The following RNF213 variants were observed in gnomAD, a reference collection of about 807,000 sequenced individuals.
The protein encoded by RNF213 is ring finger protein 213, also known as E3 ubiquitin-protein ligase RNF213.
In RNF213, 341 loss-of-function variants were observed where a neutral mutation model predicts 514.4. The ratio of observed to expected loss-of-function variants is 0.66; its 90% CI spans 0.61 to 0.73. The LOEUF (loss-of-function observed/expected upper bound fraction) is 0.73, where lower values mean the gene tolerates loss of function less well. Ranked by LOEUF, RNF213 falls within the 30% of genes least tolerant of loss-of-function variation. The probability of loss-of-function intolerance (pLI) is 0.00; values close to 1 mark genes in which losing one functional copy is unlikely to be tolerated. For synonymous variants in RNF213, 2,655 were observed against 2,658.2 expected, an observed-to-expected ratio of 1.00 and a Z score of 0.04; for missense variants, 5,767 against 6,615.6, an observed-to-expected ratio of 0.87 and a Z score of 4.45.
chr17:80,272,469 G>T (rs942288231), intron 2 of RNF213, among the ~76,000 whole-genome samples: 3 of 152,326 alleles, frequency 2.0e-5, no homozygotes, highest in Non-Finnish European at 4.4e-5. Context: ...GGGACATCTT[G>T]ACTTCATAAC....
rs1461010375 is a variant in RNF213 at position 80,360,212 on chromosome 17, G to A, written c.11200+6G>A. The A allele has an allele frequency of 6.2e-7, 1 of 1,610,590 alleles. No individual in the cohort carries two copies. The highest frequency in any genetic ancestry group is 8.5e-7 in the Non-Finnish European group (1 of 1,178,388). On this transcript the variant is annotated splice_donor_region_variant and intron_variant, in intron 38 of 67. Coordinates refer to ENST00000582970, the MANE Select transcript of RNF213 (RefSeq NM_001256071.3). ...GTACATCACAGACGCAGAAGGTGAGGCTACCTCAAGACAGGTCAGATTCAG... is the reference window on the plus strand; with the variant it reads ...GTACATCACAGACGCAGAAGGTGAGACTACCTCAAGACAGGTCAGATTCAG...
rs755306581 is a variant in RNF213 at position 80,306,317 on chromosome 17, G to A, written c.2276G>A (p.Arg759Gln). 3 of 1,614,102 alleles carry A rather than the reference G, an allele frequency of 1.9e-6. No homozygotes were observed. The highest frequency in any genetic ancestry group is 2.5e-6 in the Non-Finnish European group (3 of 1,180,024). The change falls in exon 12 of 68, where the codon CGG (arginine) becomes CAG (glutamine). Residue 759 changes from arginine to glutamine, a missense_variant. This residue lies in a region of RNF213 where 592 missense variants were observed against 673.9 expected (regional missense o/e 0.88). Coordinates refer to ENST00000582970, the MANE Select transcript of RNF213 (RefSeq NM_001256071.3). ...HLLSIDEPLF[R>Q]SWFSLLPLSH... ...CTGAGCATAGACGAGCCTCTCTTCCGGTCCTGGTTTAGTCTGCTACCTCTG... is the reference window on the plus strand; with the variant it reads ...CTGAGCATAGACGAGCCTCTCTTCCAGTCCTGGTTTAGTCTGCTACCTCTG...
rs774937118 is a variant in RNF213, at chr17:80,363,798, C to A, written c.11750+8C>A. 1.9e-6 allele frequency: 3 copies of A among 1,612,048 alleles called. No homozygotes were observed. The highest frequency in any genetic ancestry group is 1.7e-5 in the Admixed American group (1 of 59,946). On this transcript the variant is annotated splice_region_variant and intron_variant, in intron 41 of 67. Coordinates refer to ENST00000582970, the MANE Select transcript of RNF213 (RefSeq NM_001256071.3). ...TGTCATCAGGGAAGTCAGGTGAGAC[C>A]CAGGAGCCCTCACCCACTGCTTCAT... is the stretch of plus-strand genomic sequence containing the variant.
chr17:80,361,991 T>A, intron 39 of RNF213, 103 bp downstream of exon 39: 1 of 1,371,504 alleles, frequency 7.3e-7, no homozygotes, highest in Non-Finnish European at 1.0e-6. Flanking sequence ...GCTGGTGCTG[T>A]GAAGTCTGGG....
intron 23 of RNF213, 90 bp downstream of exon 23, chr17:80,336,468 C>A (rs2077990492): frequency 1.8e-6 from 2 of 1,142,482 alleles, no homozygotes; most frequent in Non-Finnish European, 2.5e-6. Context: ...TGGTGGCACA[C>A]CTGTGTGGTA....
At chr17:80,380,704 TG>T in intron 55 of RNF213, 126 bp from the exon 56 acceptor site, 1 of 1,120,802 alleles carries the variant, frequency 8.9e-7, no homozygotes. Context: ...CCAGGCTTTG[TG>T]GAACAGCAAG....
chr17:80,309,199 A>T (rs1363234928), intron 14 of RNF213, 28 bp downstream of exon 14: 1 of 1,613,960 alleles, frequency 6.2e-7, no homozygotes, highest in Admixed American at 1.7e-5. Context: ...ACAAGGTATC[A>T]CACCCGGGAT....
rs34714843 is a variant in RNF213, at chr17:80,371,156, C to T, written c.12426-718C>T. Among the ~76,000 whole-genome samples, 537 of 152,260 alleles carry T rather than the reference C, an allele frequency of 3.5e-3. 3 individuals carry two copies. Among genetic ancestry groups the T allele is most frequent in the Middle Eastern group, 6.8e-3 (2 of 294 alleles). ...GAAAAAAATCTATTTAAAGTATGGG[C>T]AGACCTTTTTGATTTTAACATAATT... On this transcript the variant is annotated intron_variant, in intron 46 of 67. Coordinates refer to ENST00000582970, the MANE Select transcript of RNF213 (RefSeq NM_001256071.3).
In RNF213 at chr17:80,345,580, G is replaced by T. The variant is rs4890012; in HGVS notation, c.7245G>T (p.Pro2415=). 90 of 1,613,434 alleles carry T rather than the reference G, an allele frequency of 5.6e-5. No individual in the cohort carries two copies. The highest frequency in any genetic ancestry group is 8.0e-5 in the African/African-American group (6 of 74,942). The part of the protein sequence containing the change: ...AIEMRFRCGI[P]VIIMGETGCG... Reference sequence around the variant, plus strand: ...AGATGCGGTTCCGGTGTGGGATCCCGGTTATCATCATGGGAGAAACTGGCT... The same window carrying T: ...AGATGCGGTTCCGGTGTGGGATCCCTGTTATCATCATGGGAGAAACTGGCT... Residue 2415 remains proline, a synonymous_variant, in exon 29 of 68, where the codon CCG becomes CCT. Transcript: ENST00000582970. This position sits in a 1 kb window ranked among gnomAD's most constrained non-coding sequence, Gnocchi z 6.0.
At chr17:80,305,645 T>C (rs1350713307) in intron 11 of RNF213, among the ~76,000 whole-genome samples, 1 of 150,456 alleles carries the variant, frequency 6.6e-6, no homozygotes, top group Non-Finnish European at 1.5e-5. Context: ...AGAGTCTCAC[T>C]CTGTTGCCCA....
chr17:80,368,112 G>A lies in RNF213; in HGVS notation c.12124G>A (p.Glu4042Lys), dbSNP rs1241745586. 12 of 1,614,242 alleles carry A rather than the reference G, an allele frequency of 7.4e-6. No individual in the cohort carries two copies. The highest frequency in any genetic ancestry group is 1.0e-5 in the Non-Finnish European group (12 of 1,180,042). The change falls in exon 44 of 68, where the codon GAA (glutamate) becomes AAA (lysine). Residue 4042 changes from glutamate (E) to lysine (K), a missense_variant. Physicochemically the swap from Glu to Lys is moderately conservative, Grantham distance 56. This residue lies in a region of RNF213 where 93 missense variants were observed against 95.6 expected (regional missense o/e 0.97). Transcript: ENST00000582970. ...CTACTGTTTAACTGCCTTGCCAGACGAATTCTCTCCAGCTGTTTCCCAAGC... is the reference window on the plus strand; with the variant it reads ...CTACTGTTTAACTGCCTTGCCAGACAAATTCTCTCCAGCTGTTTCCCAAGC... Reference protein sequence around the residue: ...CPYCLTALPDEFSPAVSQAHR... With the variant: ...CPYCLTALPDKFSPAVSQAHR...
At chr17:80,374,724 A>T in intron 50 of RNF213, 135 bp downstream of exon 50, 1 of 1,081,336 alleles carries the variant, frequency 9.2e-7, no homozygotes, top group East Asian at 2.7e-5. Flanking sequence ...ATTGGAAGTC[A>T]CGTGCCCACA....
At chr17:80,393,105 G>A (rs539267283) in intron 67 of RNF213, among the ~76,000 whole-genome samples, 2 of 151,998 alleles carry the variant, frequency 1.3e-5, no homozygotes, top group East Asian at 3.9e-4. Flanking sequence ...AGCCTCCTGA[G>A]TAGCTTCGGA....
chr17:80,371,859 T>A lies in RNF213; in HGVS notation c.12426-15T>A, dbSNP rs1313822918. 7.8e-7 allele frequency: 1 copy of A among 1,273,972 alleles called. No homozygotes were observed. The highest frequency in any genetic ancestry group is 1.7e-5 in the Admixed American group (1 of 58,936). 78.9% of individuals were successfully genotyped at this position (1,273,972 alleles called of 1,614,324 possible). ...AGATCTGAGAGAACCAGGAATAATATTTCTCTTTCTGCAGCTTTCATGATG... is the reference window on the plus strand; with the variant it reads ...AGATCTGAGAGAACCAGGAATAATAATTCTCTTTCTGCAGCTTTCATGATG... On this transcript the variant is annotated splice_polypyrimidine_tract_variant and intron_variant, in intron 46 of 67. Coordinates refer to ENST00000582970, the MANE Select transcript of RNF213 (RefSeq NM_001256071.3).
intron 46 of RNF213, among the ~76,000 whole-genome samples, chr17:80,370,614 CT>C (rs1289293454): frequency 6.6e-6 from 1 of 152,156 alleles, no homozygotes; most frequent in Non-Finnish European, 1.5e-5. Flanking sequence ...TAAATCTTGA[CT>C]CTTGAGGATT....
intron 18 of RNF213, among the ~76,000 whole-genome samples, chr17:80,325,804 T>C (rs986348793): frequency 6.6e-6 from 1 of 152,112 alleles, no homozygotes; most frequent in Non-Finnish European, 1.5e-5. Flanking sequence ...GAGAAGGCGC[T>C]GGATGTGGAA....
Position 80,354,566 on chromosome 17 carries a change from G to T in RNF213, c.10852G>T (p.Gly3618Cys). 6.2e-7 allele frequency: 1 copy of T among 1,614,192 alleles called. No homozygotes were observed. Among genetic ancestry groups the T allele is most frequent in the Non-Finnish European group, 8.5e-7 (1 of 1,180,044 alleles). The part of the protein sequence containing the change: ...ACNQDALQEA[G>C]TFRHTLWKRV... ...CAACCAGGACGCTCTCCAGGAGGCG[G>T]GCACATTCAGGTACTGTGACTAAAG... Residue 3618 changes from glycine to cysteine, a missense_variant, in exon 36 of 68, where the codon GGC (glycine) becomes TGC (cysteine). Transcript: ENST00000582970.
rs1313501188 is a variant in RNF213, at chr17:80,290,432, CGT to C, written c.1113-132_1113-131del. The stretch of plus-strand genomic sequence containing the variant: ...GTGTGTGCGTGTGTGCGAGTGTGCG[CGT>C]GTGTGCATGTGTGTGTGCGAGTGCA... On this transcript the variant is annotated intron_variant, in intron 6 of 67. Transcript: ENST00000582970. 5.7e-4 allele frequency: 569 copies of C among 996,984 alleles called. 2 individuals are homozygous for C. Among genetic ancestry groups the C allele is most frequent in the Non-Finnish European group, 3.0e-4 (196 of 642,880 alleles). The allele number at this position is 996,984 out of a possible 1,614,324, so 61.8% of individuals were successfully genotyped here. A position where few individuals can be genotyped will look rare whatever the true frequency, so the allele number is the denominator to read the frequency against.
intron 44 of RNF213, among the ~76,000 whole-genome samples, 161 bp downstream of exon 44, chr17:80,368,304 C>T (rs1364931020): frequency 6.6e-6 from 1 of 152,184 alleles, no homozygotes; most frequent in Non-Finnish European, 1.5e-5. Context: ...TCATAAATAT[C>T]TGGTATCTCA....
Sources: gnomAD v4.1 joint callset for allele counts (sites outside exome capture counted in the v4.1 genomes callset) on GRCh38, gnomAD v4.1.1 for gene constraint, gnomAD v4.1.1 regional missense constraint, Gnocchi (gnomAD v3.1) non-coding constraint, MANE v1.5 for transcripts, NCBI Gene and HGNC (gene_info 2026-07-23, HGNC 2026-07-21) for gene names.